The following DAPK2 variants were observed in gnomAD, a reference collection of about 807,000 sequenced individuals.
The protein encoded by DAPK2 is death-associated protein kinase 2.
DAPK2 carries 35 observed loss-of-function variants against 44.1 expected under a neutral mutation model. That is an observed-to-expected ratio of 0.79 (90% CI 0.61 to 1.05). DAPK2 has a LOEUF of 1.05. Among genes scored for constraint, DAPK2 ranks in the 50% least tolerant of loss-of-function variants. The probability of loss-of-function intolerance (pLI) is 0.00; values close to 1 mark genes in which losing one functional copy is unlikely to be tolerated. For missense variants in DAPK2, 453 were observed against 483.2 expected, an observed-to-expected ratio of 0.94 and a Z score of 0.59; for synonymous variants, 174 against 182.6, an observed-to-expected ratio of 0.95 and a Z score of 0.38.
At chr15:63,948,610 A>G (rs13329183) in intron 3 of DAPK2, among the ~76,000 whole-genome samples, 46,097 of 151,982 alleles carry the variant, frequency 0.3, 7,678 homozygotes, top group Non-Finnish European at 0.36. Flanking sequence ...CACGAGATTT[A>G]GGTGGGGACA....
rs540672777 is a variant in DAPK2, at chr15:63,961,548, C to T, written c.453+9875G>A. Among the ~76,000 whole-genome samples the T allele has an allele frequency of 1.1e-4, 16 of 152,200 alleles. No homozygotes were observed. The South Asian group carries it at 2.5e-3, about 24-fold the overall frequency. On this transcript the variant is annotated intron_variant, in intron 3 of 10. Transcript: ENST00000261891. ...TGTAAGGCAGGCCTGGTGGTGACAA[C>T]ATCTCTCAGCATTTGTTTGTCTGTA... is the stretch of plus-strand genomic sequence containing the variant.
chr15:63,971,299 G>T, intron 3 of DAPK2, 124 bp downstream of exon 4: 1 of 1,221,732 alleles, frequency 8.2e-7, no homozygotes, highest in South Asian at 1.5e-5. Flanking sequence ...TGAGCTCAGG[G>T]TTTTTCACTG....
intron 3 of DAPK2, among the ~76,000 whole-genome samples, chr15:63,963,081 C>T (rs8039443): frequency 0.021 from 3,129 of 152,254 alleles, 103 homozygotes; most frequent in African/African-American, 0.071. Flanking sequence ...TTGCTCCCAC[C>T]TTGCAATTGA....
intron 1 of DAPK2, among the ~76,000 whole-genome samples, chr15:64,016,849 A>AGGG: frequency 2.5e-5 from 1 of 40,022 alleles, no homozygotes; most frequent in African/African-American, 7.9e-5. Context: ...GGAAGGAAGG[A>AGGG]AGGAAGGAAG....
chr15:64,022,252 C>T (rs1343297784), intron 1 of DAPK2, among the ~76,000 whole-genome samples: 2 of 152,188 alleles, frequency 1.3e-5, no homozygotes, highest in Non-Finnish European at 2.9e-5. Context: ...ATGTACAACA[C>T]TGTTATTACT....
chr15:64,034,975 C>G (rs974816747), intron 1 of DAPK2, among the ~76,000 whole-genome samples: 4 of 152,130 alleles, frequency 2.6e-5, no homozygotes, highest in African/African-American at 9.7e-5. Context: ...TGAGATGAAC[C>G]TGGCCAACAT....
At chr15:64,001,175 C>A (rs1411640245) in intron 1 of DAPK2, among the ~76,000 whole-genome samples, 1 of 151,136 alleles carries the variant, frequency 6.6e-6, no homozygotes, top group Non-Finnish European at 1.5e-5. Flanking sequence ...CTGCACCCGG[C>A]CAGAGTCAAC....
intron 10 of DAPK2, chr15:63,909,787 G>C (rs1231438887): frequency 2.2e-5 from 3 of 137,196 alleles, no homozygotes; most frequent in African/African-American, 8.5e-5. Flanking sequence ...GGGAGACACA[G>C]TGAGACTCTG....
chr15:64,022,599 C>T (rs961348073), intron 1 of DAPK2, among the ~76,000 whole-genome samples: 2 of 152,136 alleles, frequency 1.3e-5, no homozygotes, highest in East Asian at 1.9e-4. Flanking sequence ...GGTGAACACT[C>T]GAGCCCGGAA....
chr15:63,998,807 T>C (rs1165162541), intron 1 of DAPK2, among the ~76,000 whole-genome samples: 1 of 152,176 alleles, frequency 6.6e-6, no homozygotes, highest in Non-Finnish European at 1.5e-5. Flanking sequence ...GTGCTGCTTG[T>C]TCACTGTTGT....
chr15:63,915,579 G>A (rs1433933148), intron 8 of DAPK2, among the ~76,000 whole-genome samples: 2 of 152,198 alleles, frequency 1.3e-5, no homozygotes, highest in African/African-American at 4.8e-5. Context: ...TTGCAGGTGT[G>A]GGGAATCTCG....
At chr15:63,911,598 C>T (rs1408953570) in intron 10 of DAPK2, 2 of 398,364 alleles carry the variant, frequency 5.0e-6, no homozygotes, top group Non-Finnish European at 9.1e-6. Context: ...ATCAGAAATA[C>T]ATTTTGGGTT....
At chr15:63,932,009 A>T (rs905035796) in intron 4 of DAPK2, among the ~76,000 whole-genome samples, 1 of 151,180 alleles carries the variant, frequency 6.6e-6, no homozygotes, top group Non-Finnish European at 1.5e-5. Context: ...TACTAAAAAT[A>T]AAAAAAAATT....
At chr15:64,006,812 G>A (rs1228970872) in intron 1 of DAPK2, among the ~76,000 whole-genome samples, 2 of 152,154 alleles carry the variant, frequency 1.3e-5, no homozygotes, top group Non-Finnish European at 2.9e-5. Context: ...CTTGGTGCCT[G>A]CCAGGGGAAG....
Position 64,014,784 on chromosome 15 carries a change from G to A in DAPK2, c.92+25386C>T, listed in dbSNP as rs568871385. Among the ~76,000 whole-genome samples the A allele has an allele frequency of 1.1e-3, 163 of 152,286 alleles. 1 individual carries two copies. The South Asian group carries it at 0.026, about 24-fold the overall frequency. On this transcript the variant is annotated intron_variant, in intron 1 of 10. Transcript: ENST00000261891. ...AAAATACAAAAATTAGCTGGGCATG[G>A]TGGTGGGCACCTGTAATCCCAGCTA... is the stretch of plus-strand genomic sequence containing the variant.
chr15:63,978,029 C>G (rs1209003018), intron 2 of DAPK2, among the ~76,000 whole-genome samples: 1 of 152,186 alleles, frequency 6.6e-6, no homozygotes, highest in African/African-American at 2.4e-5. Context: ...CTTCCTCTCT[C>G]CCCAGCTATA....
intron 8 of DAPK2, chr15:63,922,344 A>C: frequency 2.0e-6 from 2 of 1,003,648 alleles, no homozygotes; most frequent in Non-Finnish European, 2.4e-6. Context: ...TAATTAACTC[A>C]AATATTACCC....
intron 1 of DAPK2, among the ~76,000 whole-genome samples, chr15:64,014,907 G>T: frequency 7.0e-6 from 1 of 142,950 alleles, no homozygotes; most frequent in African/African-American, 2.6e-5. Flanking sequence ...TAGCCTGGGT[G>T]AAAGAGCGAG....
At chr15:64,041,588 C>G (rs2080354657), upstream of DAPK2, among the ~76,000 whole-genome samples, 1 of 152,170 alleles carries the variant, frequency 6.6e-6, no homozygotes, top group Admixed American at 6.5e-5. Flanking sequence ...TTAGCAAAGG[C>G]CTGTCAGAGC....
Sources: allele counts gnomAD v4.1 joint callset (sites outside exome capture counted in the v4.1 genomes callset), GRCh38; gene constraint gnomAD v4.1.1; transcripts MANE v1.5; gene names NCBI Gene and HGNC (gene_info 2026-07-23, HGNC 2026-07-21).